MGAM: variants seen among roughly 807,000 people sequenced by gnomAD.
The protein encoded by MGAM is alpha-1,4-glucosidase.
MGAM carries 253 observed loss-of-function variants against 358.8 expected under a neutral mutation model. The ratio of observed to expected loss-of-function variants is 0.71; its 90% CI spans 0.64 to 0.78. The LOEUF (loss-of-function observed/expected upper bound fraction) is 0.78, where lower values mean the gene tolerates loss of function less well. MGAM is among the 30% of genes least tolerant of loss of function. The pLI is 0.00. For missense variants in MGAM, 3,080 were observed against 3,432.6 expected, an observed-to-expected ratio of 0.90 and a Z score of 2.57; for synonymous variants, 1,105 against 1,227.1, an observed-to-expected ratio of 0.90 and a Z score of 2.08.
intron 21 of MGAM, among the ~76,000 whole-genome samples, chr7:142,041,705 T>G (rs1808577996): frequency 6.7e-6 from 1 of 150,286 alleles, no homozygotes; most frequent in Non-Finnish European, 1.5e-5. Context: ...TACGTATGTA[T>G]TTTACAACAT....
intron 30 of MGAM, 77 bp downstream of exon 30, chr7:142,057,019 A>G (rs1281312227): frequency 7.5e-7 from 1 of 1,327,078 alleles, no homozygotes; most frequent in Non-Finnish European, 1.0e-6. Flanking sequence ...GATTAGTATA[A>G]CTCTCAGTTG....
intron 1 of MGAM, among the ~76,000 whole-genome samples, chr7:141,996,313 A>AG (rs1804228015): frequency 6.6e-6 from 1 of 152,124 alleles, no homozygotes; most frequent in South Asian, 2.1e-4. Flanking sequence ...AAAAAAAAAA[A>AG]AAGCCCTTGT....
At chr7:142,088,437 CTATGTATG>C (rs75555022) in intron 57 of MGAM, among the ~76,000 whole-genome samples, 7 of 139,680 alleles carry the variant, frequency 5.0e-5, no homozygotes, top group African/African-American at 1.8e-4. Context: ...ATGTACCCAT[CTATGTATG>C]TATGTATGTA....
intron 38 of MGAM, 50 bp from the exon 39 acceptor site, chr7:142,065,538 G>C (rs1358857532): frequency 6.2e-7 from 1 of 1,614,016 alleles, no homozygotes; most frequent in South Asian, 1.1e-5. Flanking sequence ...AAGAGGTGAG[G>C]AGGCAGATCA....
chr7:142,103,242 AT>A, intron 69 of MGAM, 26 bp from the exon 70 acceptor site: 1 of 1,533,300 alleles, frequency 6.5e-7, no homozygotes, highest in East Asian at 2.3e-5. Context: ...CTGCTATTAT[AT>A]TTTTCTTTTA....
chr7:142,096,918 C>T (rs1334003795), intron 65 of MGAM, among the ~76,000 whole-genome samples: 1 of 126,904 alleles, frequency 7.9e-6, no homozygotes, highest in Non-Finnish European at 1.6e-5. Context: ...TTAATTGCAC[C>T]TTCCCAAAAT....
upstream of MGAM, among the ~76,000 whole-genome samples, chr7:141,991,621 G>C (rs1380675567): frequency 6.6e-6 from 1 of 152,018 alleles, no homozygotes; most frequent in Non-Finnish European, 1.5e-5. Flanking sequence ...ATTTTTAGTA[G>C]AGACGGGGTT....
At chr7:142,025,282 T>C (rs1334673484) in intron 8 of MGAM, 133 bp downstream of exon 8, 8 of 641,178 alleles carry the variant, frequency 1.2e-5, no homozygotes, top group Non-Finnish European at 2.2e-5. Flanking sequence ...ATAGATTCTC[T>C]AATTGTGCTA....
intron 1 of MGAM, among the ~76,000 whole-genome samples, chr7:142,004,871 G>T (rs1805021349): frequency 6.6e-6 from 1 of 151,976 alleles, no homozygotes; most frequent in Non-Finnish European, 1.5e-5. Flanking sequence ...GAATTAACTA[G>T]ATTTAAAGTC....
At chr7:142,092,746 AAAAG>A in intron 59 of MGAM, 138 bp downstream of exon 59, 1 of 847,622 alleles carries the variant, frequency 1.2e-6, no homozygotes, top group Admixed American at 2.7e-5. Context: ...GACCAGAGAC[AAAAG>A]CTCTGCACGC....
intron 34 of MGAM, 133 bp downstream of exon 34, chr7:142,060,506 G>A (rs537969435): frequency 6.4e-3 from 6,717 of 1,044,884 alleles, no homozygotes; most frequent in African/African-American, 0.061. Flanking sequence ...TGTGTCTTGG[G>A]TGTCATTCTG....
At chr7:142,016,351 A>G (rs1342787483) in intron 3 of MGAM, among the ~76,000 whole-genome samples, 1 of 152,160 alleles carries the variant, frequency 6.6e-6, no homozygotes, top group Non-Finnish European at 1.5e-5. Flanking sequence ...TCCATCCTTT[A>G]TGTACATTAT....
chr7:142,056,805 G>A (rs1811592921), intron 29 of MGAM, 25 bp from the exon 30 acceptor site: 1 of 1,610,902 alleles, frequency 6.2e-7, no homozygotes, highest in African/African-American at 1.3e-5. Flanking sequence ...TGTCCGTGAG[G>A]CTTGGCATTT....
At chr7:142,020,947 G>T in intron 4 of MGAM, 27 bp from the exon 5 acceptor site, 1 of 1,524,534 alleles carries the variant, frequency 6.6e-7, no homozygotes, top group South Asian at 1.1e-5. Context: ...AGTCAACTAT[G>T]AAAACCTTTT....
rs1184422107 is a variant in MGAM at position 142,052,845 on chromosome 7, A to G, written c.3020A>G (p.Asp1007Gly). Residue 1007 changes from aspartate to glycine, a missense_variant, in exon 26 of 71, where the codon GAT (aspartate) becomes GGT (glycine). This residue lies in a region of MGAM where 1,816 missense variants were observed against 1,840.5 expected (regional missense o/e 0.99). Transcript: ENST00000475668. ...GTCAACGACCTATACTCTGTCAGTG[A>G]TGTTCAGTATAATTCCCATGGGGCC... ...YFVNDLYSVS[D>G]VQYNSHGATA... 11 of 1,613,740 alleles carry G rather than the reference A, an allele frequency of 6.8e-6. No individual in the cohort carries two copies. Among genetic ancestry groups the G allele is most frequent in the Non-Finnish European group, 9.3e-6 (11 of 1,179,830 alleles).
At chr7:142,098,147 A>G (rs1341729649) in intron 66 of MGAM, among the ~76,000 whole-genome samples, 1 of 152,172 alleles carries the variant, frequency 6.6e-6, no homozygotes, top group Non-Finnish European at 1.5e-5. Flanking sequence ...GGCAATGTGC[A>G]AAACACACAC....
At chr7:142,076,068 A>G in intron 45 of MGAM, 135 bp from the exon 46 acceptor site, 1 of 713,530 alleles carries the variant, frequency 1.4e-6, no homozygotes, top group Non-Finnish European at 2.4e-6. Flanking sequence ...ATACAATGGA[A>G]TATTATTCAT....
intron 21 of MGAM, among the ~76,000 whole-genome samples, chr7:142,042,168 T>G (rs1423102153): frequency 3.2e-4 from 2 of 6,332 alleles, no homozygotes; most frequent in Non-Finnish European, 4.7e-4. Flanking sequence ...ACATATAATA[T>G]ATAATATATA....
chr7:142,057,299 G>T (rs542614789), intron 30 of MGAM, among the ~76,000 whole-genome samples: 44 of 151,448 alleles, frequency 2.9e-4, no homozygotes, highest in Non-Finnish European at 3.4e-4. Flanking sequence ...GTTGGTGATG[G>T]TGATGATAGT....
Sources: allele counts gnomAD v4.1 joint callset (sites outside exome capture counted in the v4.1 genomes callset), GRCh38; gene constraint gnomAD v4.1.1; regional missense constraint gnomAD v4.1.1; transcripts MANE v1.5; gene names NCBI Gene and HGNC (gene_info 2026-07-23, HGNC 2026-07-21).